The following ADGRL3 variants were observed in gnomAD, a reference collection of about 807,000 sequenced individuals.
ADGRL3 encodes calcium-independent alpha-latrotoxin receptor 3.
Under a neutral mutation model 153.5 loss-of-function variants are expected in ADGRL3, and 62 were observed. That is an observed-to-expected ratio of 0.40 (90% CI 0.33 to 0.50). The LOEUF (loss-of-function observed/expected upper bound fraction) is 0.50, where lower values mean the gene tolerates loss of function less well. Among genes scored for constraint, ADGRL3 ranks in the 20% least tolerant of loss-of-function variants. The pLI, the probability that ADGRL3 is intolerant of heterozygous loss-of-function variation, is 0.47. For synonymous variants in ADGRL3, 710 were observed against 672.5 expected (o/e 1.06, Z -0.86); for missense variants, 1,641 against 1,859.4 (o/e 0.88, Z 2.16).
chr4:61,971,968 T>A, intron 17 of ADGRL3, among the ~76,000 whole-genome samples: 1 of 152,094 alleles, frequency 6.6e-6, no homozygotes, highest in Non-Finnish European at 1.5e-5. Context: ...TTGAGAAGTA[T>A]CTGTTCATAT....
rs1747433699 is a variant in ADGRL3, at chr4:62,077,208, T to TC, written c.*6301dup. On this transcript the variant is annotated 3_prime_UTR_variant, in exon 27 of 27. Transcript: ENST00000683033. The stretch of plus-strand genomic sequence containing the variant: ...AAAGAAGAGGAAAGTAAAGCAGACT[T>TC]CTAACTATTTAATTTAAACATTGCC... 1 of 151,900 alleles carries TC rather than the reference T, an allele frequency of 6.6e-6. No homozygotes were observed. The highest frequency in any genetic ancestry group is 2.1e-4 in the South Asian group (1 of 4,830). The allele number at this position is 151,900 out of a possible 1,614,324, so 9.4% of individuals were successfully genotyped here.
Position 61,947,069 on chromosome 4 carries a change from A to G in ADGRL3, c.2575A>G (p.Ser859Gly). 6.2e-7 allele frequency: 1 copy of G among 1,613,882 alleles called. No homozygotes were observed. The highest frequency in any genetic ancestry group is 2.2e-5 in the East Asian group (1 of 44,844). ...VITAAINKEF[S>G]NKVYLADPVV... is the part of the protein sequence containing the mutation. ...TACGGCAGCAATAAACAAAGAGTTCAGTAACAAGGTTTATTTGGCTGATCC... is the reference window on the plus strand; with the variant it reads ...TACGGCAGCAATAAACAAAGAGTTCGGTAACAAGGTTTATTTGGCTGATCC... Residue 859 changes from serine (S) to glycine (G), a missense_variant, in exon 16 of 27, where the codon AGT becomes GGT. By Grantham distance (56) the Ser-to-Gly change is moderately conservative (BLOSUM62 0). Transcript: ENST00000683033.
At chr4:61,543,141 C>T (rs978657621) in intron 4 of ADGRL3, among the ~76,000 whole-genome samples, 2 of 143,942 alleles carry the variant, frequency 1.4e-5, no homozygotes, top group Non-Finnish European at 3.0e-5. Context: ...CCCTCCCCCC[C>T]ACCCCCCCAC....
intron 4 of ADGRL3, among the ~76,000 whole-genome samples, chr4:61,578,747 G>A (rs1443495001): frequency 6.6e-6 from 1 of 151,948 alleles, no homozygotes; most frequent in African/African-American, 2.4e-5. Flanking sequence ...TCAAATCTTC[G>A]TCATTCGAGA....
chr4:61,345,767 G>C (rs1433493379), intron 1 of ADGRL3, among the ~76,000 whole-genome samples: 1 of 152,164 alleles, frequency 6.6e-6, no homozygotes, highest in Non-Finnish European at 1.5e-5. Context: ...ATATCAAAGA[G>C]AATTTCTGTA....
chr4:61,781,842 T>C (rs1453946001), intron 8 of ADGRL3, among the ~76,000 whole-genome samples: 4 of 152,220 alleles, frequency 2.6e-5, no homozygotes, highest in Non-Finnish European at 5.9e-5. Flanking sequence ...TGATTACCTA[T>C]ATTTAGATTC....
intron 15 of ADGRL3, among the ~76,000 whole-genome samples, chr4:61,946,688 G>A (rs935941048): frequency 6.6e-6 from 1 of 152,136 alleles, no homozygotes; most frequent in African/African-American, 2.4e-5. Context: ...TTAGTTTTGA[G>A]TATGGAGTGA....
At chr4:61,225,212 A>G (rs1454515095) in intron 1 of ADGRL3, among the ~76,000 whole-genome samples, 1 of 152,222 alleles carries the variant, frequency 6.6e-6, no homozygotes. Flanking sequence ...AGGGCAATCC[A>G]GTGGTCCCAG....
intron 7 of ADGRL3, among the ~76,000 whole-genome samples, chr4:61,731,201 A>C (rs907515714): frequency 6.6e-6 from 1 of 151,964 alleles, no homozygotes; most frequent in Non-Finnish European, 1.5e-5. Flanking sequence ...TTTCTATGGA[A>C]GATTTTGGTA....
Position 61,569,317 on chromosome 4 carries a change from G to T in ADGRL3, c.260-17910G>T, listed in dbSNP as rs527541694. Among the ~76,000 whole-genome samples the T allele has an allele frequency of 2.5e-3, 375 of 152,170 alleles. 4 individuals are homozygous for T. Among genetic ancestry groups the T allele is most frequent in the African/African-American group, 8.8e-3 (367 of 41,502 alleles). ...TCATTCACCTAAAGTATACAATTCA[G>T]CTGGGTTTTATAGTATATTTATACA... On this transcript the variant is annotated intron_variant, in intron 4 of 26. Coordinates refer to ENST00000683033, the MANE Select transcript of ADGRL3 (RefSeq NM_001387552.1).
chr4:62,058,965 A>G (rs781306893), intron 25 of ADGRL3, among the ~76,000 whole-genome samples: 1 of 152,200 alleles, frequency 6.6e-6, no homozygotes, highest in Non-Finnish European at 1.5e-5. Context: ...GTAACTTTGC[A>G]CATAAAAGGG....
intron 5 of ADGRL3, among the ~76,000 whole-genome samples, chr4:61,664,836 A>G (rs1335108407): frequency 6.6e-6 from 1 of 152,176 alleles, no homozygotes; most frequent in African/African-American, 2.4e-5. Context: ...AATGTTGTGT[A>G]ATATAATGTT....
In ADGRL3 at chr4:61,487,451, T is replaced by G. The variant is rs185571716; in HGVS notation, c.-173-9670T>G. Reference sequence around the variant, plus strand: ...TGGCACAGTAAGGGCTTAATAAATGTTAGTAGTTATTATTAGGAAGATGAT... The same window carrying G: ...TGGCACAGTAAGGGCTTAATAAATGGTAGTAGTTATTATTAGGAAGATGAT... On this transcript the variant is annotated intron_variant, in intron 2 of 26. Transcript: ENST00000683033. 8.5e-4 allele frequency among the ~76,000 whole-genome samples: 130 copies of G among 152,176 alleles called. 1 individual carries two copies. Among genetic ancestry groups the G allele is most frequent in the African/African-American group, 3.0e-3 (123 of 41,536 alleles).
chr4:62,032,112 A>G (rs866570800), intron 23 of ADGRL3, among the ~76,000 whole-genome samples: 1 of 151,510 alleles, frequency 6.6e-6, no homozygotes, highest in Non-Finnish European at 1.5e-5. Flanking sequence ...GTAAAATAAT[A>G]TACATTTATA....
Position 61,818,748 on chromosome 4 carries a change from G to A in ADGRL3, c.1480+4859G>A, listed in dbSNP as rs114134228. Among the ~76,000 whole-genome samples the A allele has an allele frequency of 4.8e-3, 727 of 152,068 alleles. 1 individual carries two copies. The highest frequency in any genetic ancestry group is 8.5e-3 in the South Asian group (41 of 4,814). ...TCCTGATAGATTCTACTTCTTATTC[G>A]ATTTAGGAGGAATTATATAAATTCC... On this transcript the variant is annotated intron_variant, in intron 9 of 26. Transcript: ENST00000683033.
intron 9 of ADGRL3, among the ~76,000 whole-genome samples, chr4:61,823,404 C>G (rs990872980): frequency 6.6e-6 from 1 of 152,112 alleles, no homozygotes; most frequent in Non-Finnish European, 1.5e-5. Context: ...TCATATGACT[C>G]CCTCTCTTAT....
chr4:62,037,080 A>C (rs1725430038), intron 23 of ADGRL3, among the ~76,000 whole-genome samples: 1 of 152,154 alleles, frequency 6.6e-6, no homozygotes, highest in Non-Finnish European at 1.5e-5. Context: ...GAGTAGAACT[A>C]TTTTGAAGGA....
chr4:62,056,736 A>G (rs944538171), intron 25 of ADGRL3, among the ~76,000 whole-genome samples: 1 of 152,120 alleles, frequency 6.6e-6, no homozygotes, highest in African/African-American at 2.4e-5. Flanking sequence ...ACGTTAATGT[A>G]TATATTAGAA....
intron 9 of ADGRL3, among the ~76,000 whole-genome samples, chr4:61,879,240 G>A (rs1346052541): frequency 6.6e-6 from 1 of 152,094 alleles, no homozygotes; most frequent in Non-Finnish European, 1.5e-5. Flanking sequence ...TAAGAATTCT[G>A]ATTGATCCTC....
Sources: gnomAD v4.1 joint callset for allele counts (sites outside exome capture counted in the v4.1 genomes callset) on GRCh38, gnomAD v4.1.1 for gene constraint, MANE v1.5 for transcripts, NCBI Gene and HGNC (gene_info 2026-07-23, HGNC 2026-07-21) for gene names.